The following RNLS variants were observed in gnomAD, a reference collection of about 807,000 sequenced individuals.
The protein encoded by RNLS is renalase.
A neutral mutation model predicts 39.8 loss-of-function variants in RNLS; 39 were observed. That is an observed-to-expected ratio of 0.98 (90% CI 0.76 to 1.28). RNLS has a LOEUF of 1.28. Ranked by LOEUF, RNLS falls within the 50% of genes most tolerant of loss-of-function variation. The pLI, the probability that RNLS is intolerant of heterozygous loss-of-function variation, is 0.00. For synonymous variants in RNLS, 147 were observed against 150.7 expected, an observed-to-expected ratio of 0.98 and a Z score of 0.18; for missense variants, 410 against 413.3, an observed-to-expected ratio of 0.99 and a Z score of 0.07.
intron 5 of RNLS, among the ~76,000 whole-genome samples, chr10:88,331,419 A>C (rs1446422086): frequency 6.6e-6 from 1 of 152,206 alleles, no homozygotes; most frequent in African/African-American, 2.4e-5. Context: ...ATATTTCTTC[A>C]ATTATTGATT....
At chr10:88,262,325 A>C in the RNLS span, among the ~76,000 whole-genome samples, 1 of 152,214 alleles carries the variant, frequency 6.6e-6, no homozygotes, top group South Asian at 2.1e-4. Context: ...AACAATGTTC[A>C]TTAGCTCTGT....
At chr10:88,352,584 C>T (rs1840844485) in intron 5 of RNLS, among the ~76,000 whole-genome samples, 1 of 152,172 alleles carries the variant, frequency 6.6e-6, no homozygotes, top group Non-Finnish European at 1.5e-5. Context: ...TTTTGATGTG[C>T]TGCTGGATTT....
At chr10:88,452,247 A>T (rs569267029) in intron 4 of RNLS, among the ~76,000 whole-genome samples, 9 of 152,322 alleles carry the variant, frequency 5.9e-5, no homozygotes, top group African/African-American at 2.2e-4. Context: ...TAGTACAAAG[A>T]TCATATCAAG....
At chr10:88,214,681 C>T in the RNLS span, among the ~76,000 whole-genome samples, 1 of 151,814 alleles carries the variant, frequency 6.6e-6, no homozygotes, top group South Asian at 2.1e-4. Context: ...CATTTTATGC[C>T]TTATTTTAAA....
intron 6 of RNLS, among the ~76,000 whole-genome samples, chr10:88,311,897 A>C (rs984731490): frequency 7.9e-5 from 12 of 152,192 alleles, no homozygotes; most frequent in African/African-American, 2.9e-4. Flanking sequence ...CCCCACACAA[A>C]ATACTCCTCT....
In RNLS at chr10:88,570,293, C is replaced by T. The variant is rs192480510; in HGVS notation, c.526+2610G>A. ...TTTTCTTTCTTTCTTCATACAAATC[C>T]ATATTTAATGAAAATAGAATATGAA... On this transcript the variant is annotated intron_variant, in intron 4 of 6. Transcript: ENST00000331772. Among the ~76,000 whole-genome samples the T allele has an allele frequency of 2.3e-3, 350 of 152,150 alleles. 2 individuals carry two copies. The highest frequency in any genetic ancestry group is 7.8e-3 in the African/African-American group (324 of 41,514).
chr10:88,402,984 T>A (rs1277852316), intron 4 of RNLS, among the ~76,000 whole-genome samples: 2 of 152,012 alleles, frequency 1.3e-5, no homozygotes, highest in Non-Finnish European at 2.9e-5. Context: ...TATAAAGTAG[T>A]CTCTCACGGC....
intron 5 of RNLS, among the ~76,000 whole-genome samples, chr10:88,342,795 G>C (rs1266160828): frequency 6.6e-6 from 1 of 152,196 alleles, no homozygotes; most frequent in Non-Finnish European, 1.5e-5. Flanking sequence ...AAAAGTATGG[G>C]AGGAAAGAGA....
At chr10:88,450,564 AC>A (rs1842305539) in intron 4 of RNLS, among the ~76,000 whole-genome samples, 1 of 152,182 alleles carries the variant, frequency 6.6e-6, no homozygotes, top group Admixed American at 6.5e-5. Context: ...ACTAGGAGAT[AC>A]CAATACATAG....
the RNLS span, among the ~76,000 whole-genome samples, chr10:88,177,343 C>G: frequency 6.6e-6 from 1 of 152,006 alleles, no homozygotes. Flanking sequence ...GATATTCTTT[C>G]TTCTGTTTGA....
chr10:88,344,739 GA>G (rs1372181161), intron 5 of RNLS, among the ~76,000 whole-genome samples: 10 of 152,044 alleles, frequency 6.6e-5, no homozygotes, highest in African/African-American at 2.2e-4. Flanking sequence ...ATTTATAATA[GA>G]AATCTATTTT....
intron 6 of RNLS, among the ~76,000 whole-genome samples, chr10:88,299,846 T>A (rs1161038342): frequency 2.0e-5 from 3 of 152,226 alleles, no homozygotes; most frequent in African/African-American, 7.2e-5. Flanking sequence ...AATAGGAACA[T>A]TGATTTCCTC....
chr10:88,544,022 G>A (rs1455963414), intron 4 of RNLS, among the ~76,000 whole-genome samples: 4 of 152,106 alleles, frequency 2.6e-5, no homozygotes, highest in South Asian at 2.1e-4. Context: ...AGGAACCCTC[G>A]CTCAGGCTCA....
chr10:88,368,579 A>G (rs766007656), intron 4 of RNLS, among the ~76,000 whole-genome samples: 7 of 152,120 alleles, frequency 4.6e-5, no homozygotes, highest in Non-Finnish European at 5.9e-5. Context: ...TTGTGATCAC[A>G]TCGTACATAT....
chr10:88,380,312 G>A (rs1353414329), intron 4 of RNLS, among the ~76,000 whole-genome samples: 1 of 143,958 alleles, frequency 6.9e-6, no homozygotes, highest in Non-Finnish European at 1.5e-5. Flanking sequence ...AGAAATTTGA[G>A]TTTTATGTAT....
At chr10:88,415,146 A>G (rs1853936719) in intron 4 of RNLS, among the ~76,000 whole-genome samples, 2 of 152,242 alleles carry the variant, frequency 1.3e-5, no homozygotes, top group Non-Finnish European at 2.9e-5. Flanking sequence ...ACTGAGGATC[A>G]GGGTAAACAT....
chr10:88,560,435 C>T (rs1342391732), intron 4 of RNLS, among the ~76,000 whole-genome samples: 2 of 152,014 alleles, frequency 1.3e-5, no homozygotes, highest in Non-Finnish European at 2.9e-5. Flanking sequence ...GTCCCACTAC[C>T]CTGAGCCCCA....
intron 6 of RNLS, among the ~76,000 whole-genome samples, chr10:88,292,799 T>A (rs11202700): frequency 2.0e-5 from 3 of 151,820 alleles, no homozygotes; most frequent in Non-Finnish European, 4.4e-5. Flanking sequence ...ATCCCAGCAC[T>A]TTGGGAGGCT....
intron 5 of RNLS, among the ~76,000 whole-genome samples, chr10:88,360,582 G>A (rs10749577): frequency 0.28 from 42,789 of 151,968 alleles, 7,778 homozygotes; most frequent in African/African-American, 0.51. Context: ...AATTACAGGC[G>A]CTTGTCACCA....
Sources: gnomAD v4.1 joint callset for allele counts (sites outside exome capture counted in the v4.1 genomes callset) on GRCh38, gnomAD v4.1.1 for gene constraint, MANE v1.5 for transcripts, NCBI Gene and HGNC (gene_info 2026-07-23, HGNC 2026-07-21) for gene names.